The following KTN1 variants were observed in gnomAD, a reference collection of about 807,000 sequenced individuals.
KTN1 encodes the protein kinectin 1, also known as kinectin.
A neutral mutation model predicts 222.5 loss-of-function variants in KTN1; 130 were observed. That is an observed-to-expected ratio of 0.58 (90% confidence interval 0.51 to 0.68). The LOEUF (loss-of-function observed/expected upper bound fraction) is 0.68. KTN1 is among the 30% of genes least tolerant of loss of function. KTN1 has a pLI of 0.00. For synonymous variants in KTN1, 512 were observed against 496.3 expected, an observed-to-expected ratio of 1.03 and a Z score of -0.42; for missense variants, 1,508 against 1,500.4, an observed-to-expected ratio of 1.01 and a Z score of -0.08.
intron 1 of KTN1, among the ~76,000 whole-genome samples, chr14:55,605,454 G>C (rs1594794490): frequency 6.6e-6 from 1 of 152,096 alleles, no homozygotes; most frequent in African/African-American, 2.4e-5. Context: ...ACCTTAAGGA[G>C]CCTGGCTTGG....
rs112455933 is a variant in KTN1 at position 55,671,066 on chromosome 14, C to G, written c.3348+257C>G. Among the ~76,000 whole-genome samples the G allele has an allele frequency of 3.3e-3, 498 of 152,174 alleles. 1 individual carries two copies. Among genetic ancestry groups the G allele is most frequent in the African/African-American group, 0.012 (478 of 41,524 alleles). On this transcript the variant is annotated intron_variant, in intron 35 of 43. Transcript: ENST00000395314. Reference sequence around the variant, plus strand: ...ATTGTTTCTAAAATTGAATATTTATCCCTTACTATCTTTTTAGCCTAGGTT... The same window carrying G: ...ATTGTTTCTAAAATTGAATATTTATGCCTTACTATCTTTTTAGCCTAGGTT...
chr14:55,628,327 A>T (rs2040104329), intron 6 of KTN1, among the ~76,000 whole-genome samples: 1 of 152,226 alleles, frequency 6.6e-6, no homozygotes, highest in African/African-American at 2.4e-5. Flanking sequence ...ATCTGTTCTC[A>T]ATAGAAACAC....
intron 20 of KTN1, 89 bp from the exon 21 acceptor site, chr14:55,648,713 G>A (rs1306777229): frequency 1.2e-6 from 1 of 854,218 alleles, no homozygotes. Context: ...AAAAGAAGCA[G>A]CTAAAGAAAT....
chr14:55,629,480 T>G (rs1339115500), intron 6 of KTN1, among the ~76,000 whole-genome samples: 1 of 151,086 alleles, frequency 6.6e-6, no homozygotes, highest in African/African-American at 2.4e-5. Flanking sequence ...GCTTTCTGAA[T>G]TTGCTTTCCC....
At position 55,671,821 on chromosome 14, in the gene KTN1, C is replaced by A; in HGVS notation, c.3475C>A (p.Gln1159Lys). 6.2e-7 allele frequency: 1 copy of A among 1,610,584 alleles called. No individual in the cohort carries two copies. The highest frequency in any genetic ancestry group is 2.2e-5 in the East Asian group (1 of 44,828). The part of the protein sequence containing the change: ...ILQKLQRSVE[Q>K]EENKWKVKVD... ...ACAGAAGCTACAGAGAAGTGTTGAGCAAGAAGAAAATAAATGGAAAGTTAA... is the reference window on the plus strand; with the variant it reads ...ACAGAAGCTACAGAGAAGTGTTGAGAAAGAAGAAAATAAATGGAAAGTTAA... The change falls in exon 37 of 44, where the codon CAA (glutamine) becomes AAA (lysine). Residue 1159 changes from glutamine to lysine, a missense_variant. Transcript: ENST00000395314.
In KTN1 at chr14:55,612,091, T is replaced by C; in HGVS notation, c.43T>C (p.Ser15Pro). ...ESAYFIVLIP[S>P]IVITVIFLFF... ...AGCATATTTTATTGTTCTTATTCCT[T>C]CAATAGTTATTACAGTAATTTTCCT... Residue 15 changes from serine (S) to proline (P), a missense_variant, in exon 2 of 44, where the codon TCA becomes CCA. Coordinates refer to ENST00000395314, the MANE Select transcript of KTN1 (RefSeq NM_001079521.2). 6.5e-7 allele frequency: 1 copy of C among 1,536,432 alleles called. No homozygotes were observed. Among genetic ancestry groups the C allele is most frequent in the Non-Finnish European group, 8.7e-7 (1 of 1,148,942 alleles).
In KTN1 at chr14:55,646,422, C is replaced by T. The variant is rs1282195842; in HGVS notation, c.2173-551C>T. ...CTTTCTTTCTTCCTTTTTTTCCTTT[C>T]TTTCCTTCCTTTCCTTTCCTTTTCC... On this transcript the variant is annotated intron_variant, in intron 18 of 43. Transcript: ENST00000395314. Among the ~76,000 whole-genome samples, 8 of 123,962 alleles carry T rather than the reference C, an allele frequency of 6.5e-5. No homozygotes were observed. In the South Asian group the frequency reaches 1.4e-3, roughly 22 times the overall value. 81.3% of individuals were successfully genotyped at this position (123,962 alleles called of 152,430 possible).
At chr14:55,659,199 G>A (rs2043833660) in intron 30 of KTN1, among the ~76,000 whole-genome samples, 1 of 151,876 alleles carries the variant, frequency 6.6e-6, no homozygotes, top group South Asian at 2.1e-4. Context: ...TTGTCACCAA[G>A]GAATAAATAC....
intron 33 of KTN1, among the ~76,000 whole-genome samples, chr14:55,664,728 G>GA (rs1477676046): frequency 6.6e-6 from 1 of 152,152 alleles, no homozygotes; most frequent in Non-Finnish European, 1.5e-5. Flanking sequence ...TGGGTGTGAA[G>GA]ATTTCTAATG....
At chr14:55,615,581 A>G (rs536582883) in intron 2 of KTN1, among the ~76,000 whole-genome samples, 1 of 152,366 alleles carries the variant, frequency 6.6e-6, no homozygotes, top group Admixed American at 6.5e-5. Flanking sequence ...GAGTAGTCAA[A>G]TAAGGAGTAA....
chr14:55,596,134 G>A (rs531917281), intron 1 of KTN1, among the ~76,000 whole-genome samples: 37 of 108,486 alleles, frequency 3.4e-4, no homozygotes, highest in African/African-American at 1.3e-3. Context: ...CAGCATGGGC[G>A]ACAGAGCAAG....
At chr14:55,628,998 A>G (rs1045501504) in intron 6 of KTN1, among the ~76,000 whole-genome samples, 3 of 152,240 alleles carry the variant, frequency 2.0e-5, no homozygotes, top group African/African-American at 7.2e-5. Context: ...GAGCAGGAAC[A>G]TGATTAGTCC....
At chr14:55,639,840 T>C in intron 13 of KTN1, 73 bp from the exon 14 acceptor site, 1 of 957,598 alleles carries the variant, frequency 1.0e-6, no homozygotes, top group Non-Finnish European at 1.7e-6. Context: ...ATGATGCTTT[T>C]TAAGGCTTTA....
intron 5 of KTN1, among the ~76,000 whole-genome samples, chr14:55,626,944 C>G (rs1166513505): frequency 6.6e-6 from 1 of 151,794 alleles, no homozygotes; most frequent in Non-Finnish European, 1.5e-5. Context: ...TTGTTGTTTC[C>G]CATGTCAAGT....
chr14:55,615,389 T>TC (rs2038202850), intron 2 of KTN1, among the ~76,000 whole-genome samples: 1 of 149,168 alleles, frequency 6.7e-6, no homozygotes, highest in South Asian at 2.2e-4. Flanking sequence ...CCCTCCCCCT[T>TC]CCCCCATATC....
In KTN1 at chr14:55,672,670, G is replaced by T. The variant is rs756191445; in HGVS notation, c.3572G>T (p.Arg1191Leu). 6 of 1,606,104 alleles carry T rather than the reference G, an allele frequency of 3.7e-6. No homozygotes were observed. In the African/African-American group the frequency reaches 4.0e-5, roughly 11 times the overall value. ...SFTSSEQELERLRSENKDIEN... is the reference protein window; with the variant it reads ...SFTSSEQELELLRSENKDIEN... Reference sequence around the variant, plus strand: ...ACATCTTCAGAACAAGAGCTAGAGCGATTAAGAAGCGAAAATAAGGATATT... The same window carrying T: ...ACATCTTCAGAACAAGAGCTAGAGCTATTAAGAAGCGAAAATAAGGATATT... The change falls in exon 38 of 44, where the codon CGA (arginine) becomes CTA (leucine). Residue 1191 changes from arginine (R) to leucine (L), a missense_variant. Transcript: ENST00000395314.
intron 1 of KTN1, among the ~76,000 whole-genome samples, chr14:55,606,309 T>C (rs1489623952): frequency 3.9e-5 from 6 of 152,190 alleles, no homozygotes. Context: ...CATTCCTGTG[T>C]TGAAAATTAC....
In KTN1 at chr14:55,652,555, C is replaced by T. The variant is rs12147192; in HGVS notation, c.2604-295C>T. ...CTGGGACTACAGGCGCGTACCACCACGCCCGGCTAATTTTTTTGTATTTTT... is the reference window on the plus strand; with the variant it reads ...CTGGGACTACAGGCGCGTACCACCATGCCCGGCTAATTTTTTTGTATTTTT... On this transcript the variant is annotated intron_variant, in intron 25 of 43. Coordinates refer to ENST00000395314, the MANE Select transcript of KTN1 (RefSeq NM_001079521.2). 9.0e-3 allele frequency among the ~76,000 whole-genome samples: 1,375 copies of T among 152,120 alleles called. 11 individuals carry two copies. Among genetic ancestry groups the T allele is most frequent in the Non-Finnish European group, 0.015 (1,037 of 67,984 alleles).
At position 55,631,180 on chromosome 14, in the gene KTN1, C is replaced by G. The variant is rs74666735; in HGVS notation, c.1221+1083C>G. On this transcript the variant is annotated intron_variant, in intron 7 of 43. Coordinates refer to ENST00000395314, the MANE Select transcript of KTN1 (RefSeq NM_001079521.2). ...GGTTATTGAAGAATATGGCTTGAGT[C>G]TGCTTGCTTGGTGGTCATGTAATAC... Among the ~76,000 whole-genome samples the G allele has an allele frequency of 5.8e-3, 884 of 151,254 alleles. 6 individuals are homozygous for G. Among genetic ancestry groups the G allele is most frequent in the African/African-American group, 0.02 (844 of 41,180 alleles).
Sources: allele counts gnomAD v4.1 joint callset (sites outside exome capture counted in the v4.1 genomes callset), GRCh38; gene constraint gnomAD v4.1.1; transcripts MANE v1.5; gene names NCBI Gene and HGNC (gene_info 2026-07-23, HGNC 2026-07-21).